Variants in CNGA1 observed in about 807,000 individuals in gnomAD.
CNGA1 encodes cyclic nucleotide gated channel subunit alpha 1, also known as cyclic nucleotide-gated channel alpha-1.
Under a neutral mutation model 69.7 loss-of-function variants are expected in CNGA1, and 53 were observed. The observed-to-expected ratio is 0.76, with a 90% CI of 0.61 to 0.96. The LOEUF (loss-of-function observed/expected upper bound fraction) is 0.96, where lower values mean the gene tolerates loss of function less well. CNGA1 is among the 40% of genes least tolerant of loss of function. CNGA1 has a pLI of 0.00. For missense variants in CNGA1, 739 were observed against 811.2 expected, an observed-to-expected ratio of 0.91 and a Z score of 1.08; for synonymous variants, 249 against 283.5, an observed-to-expected ratio of 0.88 and a Z score of 1.22.
At chr4:47,993,017 A>G (rs1742339822) in intron 2 of CNGA1, among the ~76,000 whole-genome samples, 1 of 152,184 alleles carries the variant, frequency 6.6e-6, no homozygotes, top group Non-Finnish European at 1.5e-5. Context: ...ATGTTAAACC[A>G]TCCCTACATC....
intron 2 of CNGA1, among the ~76,000 whole-genome samples, chr4:47,990,716 G>T (rs1011340902): frequency 6.6e-6 from 1 of 151,980 alleles, no homozygotes; most frequent in African/African-American, 2.4e-5. Flanking sequence ...TGGCACTCCC[G>T]GAGGCCCAGC....
chr4:47,943,117 A>C (rs1739193708), intron 8 of CNGA1, 64 bp downstream of exon 8: 9 of 1,148,676 alleles, frequency 7.8e-6, no homozygotes, highest in Non-Finnish European at 7.8e-6. Flanking sequence ...ATTATGGAAA[A>C]TCATCCCTGC....
At chr4:47,966,463 T>C (rs1298118812) in intron 3 of CNGA1, among the ~76,000 whole-genome samples, 1 of 152,204 alleles carries the variant, frequency 6.6e-6, no homozygotes, top group Non-Finnish European at 1.5e-5. Context: ...AAAATGCATA[T>C]TACAGGGCCC....
intron 3 of CNGA1, among the ~76,000 whole-genome samples, chr4:47,974,067 TCTA>T (rs1383663524): frequency 0.15 from 18,860 of 125,228 alleles, 1,616 homozygotes; most frequent in African/African-American, 0.27. Context: ...TAACCTGGTC[TCTA>T]GATAGATAGA....
At chr4:47,952,082 G>T (rs1011034639) in intron 4 of CNGA1, among the ~76,000 whole-genome samples, 1 of 152,174 alleles carries the variant, frequency 6.6e-6, no homozygotes, top group African/African-American at 2.4e-5. Context: ...CTATGTTCAG[G>T]CTGGGCATGG....
intron 3 of CNGA1, among the ~76,000 whole-genome samples, chr4:47,962,307 T>C (rs948315125): frequency 6.7e-6 from 1 of 149,070 alleles, no homozygotes. Flanking sequence ...TCATGCCACT[T>C]GCACTCCAGC....
At chr4:47,941,282 T>G (rs774878683) in intron 9 of CNGA1, among the ~76,000 whole-genome samples, 69 of 152,102 alleles carry the variant, frequency 4.5e-4, no homozygotes, top group Non-Finnish European at 8.4e-4. Flanking sequence ...AGTAACAAAA[T>G]TTCACATGTA....
At chr4:47,968,354 T>C (rs964479244) in intron 3 of CNGA1, among the ~76,000 whole-genome samples, 1 of 152,078 alleles carries the variant, frequency 6.6e-6, no homozygotes. Flanking sequence ...AGCTGTATAA[T>C]GAAAAGAGGT....
intron 2 of CNGA1, among the ~76,000 whole-genome samples, chr4:48,002,497 A>G (rs1401104171): frequency 6.6e-6 from 1 of 151,984 alleles, no homozygotes. Flanking sequence ...GTCTTAGGTC[A>G]GGGGTTTTTC....
At chr4:48,011,261 G>C (rs1435064338) in intron 1 of CNGA1, among the ~76,000 whole-genome samples, 1 of 146,016 alleles carries the variant, frequency 6.8e-6, no homozygotes, top group Non-Finnish European at 1.5e-5. Flanking sequence ...AGTTGCAATA[G>C]ATATTAATGA....
intron 2 of CNGA1, among the ~76,000 whole-genome samples, chr4:47,992,054 GT>G (rs1195348441): frequency 6.6e-6 from 1 of 152,124 alleles, no homozygotes; most frequent in African/African-American, 2.4e-5. Flanking sequence ...GTATCATGCT[GT>G]TTTGGTGACT....
At chr4:48,007,486 G>A (rs949294139) in intron 2 of CNGA1, among the ~76,000 whole-genome samples, 2 of 152,066 alleles carry the variant, frequency 1.3e-5, no homozygotes, top group African/African-American at 4.8e-5. Flanking sequence ...AGTTTATTTT[G>A]ATTGGCATAT....
chr4:47,939,800 T>C (rs1295630123), intron 10 of CNGA1, among the ~76,000 whole-genome samples: 2 of 152,170 alleles, frequency 1.3e-5, no homozygotes, highest in Non-Finnish European at 2.9e-5. Flanking sequence ...TTGTTTTTTT[T>C]CCCCACCGTA....
intron 2 of CNGA1, among the ~76,000 whole-genome samples, chr4:47,999,307 A>G (rs1322015448): frequency 6.6e-6 from 1 of 152,238 alleles, no homozygotes; most frequent in Non-Finnish European, 1.5e-5. Context: ...GGGTCTTGGA[A>G]CATATTCCCT....
rs899593902 is a variant in CNGA1 at position 47,943,071 on chromosome 4, C to T, written c.437+110G>A. ...TATTTAAAGACATTTAGTCTTTACACAGGGCTCTTTACTATAAAGTTTCTT... is the reference window on the plus strand; with the variant it reads ...TATTTAAAGACATTTAGTCTTTACATAGGGCTCTTTACTATAAAGTTTCTT... On this transcript the variant is annotated intron_variant, in intron 8 of 10. Coordinates refer to ENST00000514170, the MANE Select transcript of CNGA1 (RefSeq NM_001379270.1). The T allele has an allele frequency of 5.3e-6, 4 of 755,108 alleles. No individual in the cohort carries two copies. In the African/African-American group the frequency reaches 7.1e-5, roughly 13 times the overall value. 46.8% of individuals were successfully genotyped at this position (755,108 alleles called of 1,614,324 possible).
chr4:48,014,453 C>A (rs7667425), intron 1 of CNGA1, among the ~76,000 whole-genome samples: 69,072 of 152,020 alleles, frequency 0.45, 16,242 homozygotes, highest in Admixed American at 0.51. Context: ...ATGCCTCTTA[C>A]CTAAAGTAGA....
chr4:47,949,969 T>C, intron 5 of CNGA1, 74 bp from the exon 6 acceptor site: 3 of 1,325,888 alleles, frequency 2.3e-6, no homozygotes, highest in Non-Finnish European at 3.3e-6. Flanking sequence ...GCAAATGGTC[T>C]GAAAAAACAA....
intron 3 of CNGA1, among the ~76,000 whole-genome samples, chr4:47,960,369 A>C (rs1352782165): frequency 6.6e-6 from 1 of 152,216 alleles, no homozygotes; most frequent in Non-Finnish European, 1.5e-5. Flanking sequence ...CACTAATTTC[A>C]GTATATGTAT....
chr4:47,965,800 T>C (rs1740695231), intron 3 of CNGA1, among the ~76,000 whole-genome samples: 1 of 152,152 alleles, frequency 6.6e-6, no homozygotes, highest in South Asian at 2.1e-4. Flanking sequence ...TCCATCTGTT[T>C]TTAAAGGTAA....
Sources: gnomAD v4.1 joint callset for allele counts (sites outside exome capture counted in the v4.1 genomes callset) on GRCh38, gnomAD v4.1.1 for gene constraint, MANE v1.5 for transcripts, NCBI Gene and HGNC (gene_info 2026-07-23, HGNC 2026-07-21) for gene names.